Variants in GPC5 observed in about 807,000 individuals in gnomAD.
GPC5 encodes the protein glypican 5.
GPC5 carries 47 observed loss-of-function variants against 53.9 expected under a neutral mutation model. The observed-to-expected ratio is 0.87, with a 90% CI of 0.69 to 1.11. The LOEUF (loss-of-function observed/expected upper bound fraction) is 1.11. Ranked by LOEUF, GPC5 falls within the 50% of genes most tolerant of loss-of-function variation. The pLI is 0.00. For synonymous variants in GPC5, 286 were observed against 263.3 expected (o/e 1.09, Z -0.84); for missense variants, 748 against 713.1 (o/e 1.05, Z -0.56).
intron 7 of GPC5, among the ~76,000 whole-genome samples, chr13:92,817,347 T>A (rs754578394): frequency 1.3e-5 from 2 of 151,964 alleles, no homozygotes; most frequent in Non-Finnish European, 2.9e-5. Context: ...TACTAAAGCA[T>A]CAATATCCTT....
intron 7 of GPC5, among the ~76,000 whole-genome samples, chr13:92,698,857 T>G (rs574160132): frequency 3.0e-4 from 45 of 152,316 alleles, no homozygotes; most frequent in African/African-American, 1.0e-3. Flanking sequence ...TGATCGCCAT[T>G]CTAACTGGTG....
At chr13:91,743,414 A>G (rs1214871405) in intron 4 of GPC5, among the ~76,000 whole-genome samples, 2 of 152,174 alleles carry the variant, frequency 1.3e-5, no homozygotes, top group African/African-American at 4.8e-5. Context: ...TGCATTTAGA[A>G]ACAGGATGGG....
chr13:92,682,255 G>A (rs80282949), intron 7 of GPC5, among the ~76,000 whole-genome samples: 157 of 152,212 alleles, frequency 1.0e-3, no homozygotes, highest in Non-Finnish European at 1.8e-3. Context: ...TTCTGTAATA[G>A]CAATAAATTC....
At chr13:92,565,614 C>T (rs1220962769) in intron 7 of GPC5, among the ~76,000 whole-genome samples, 1 of 152,028 alleles carries the variant, frequency 6.6e-6, no homozygotes, top group Non-Finnish European at 1.5e-5. Context: ...ACTAAGACCA[C>T]AAGTTTTTTC....
At chr13:91,525,788 C>T (rs1226848939) in intron 2 of GPC5, among the ~76,000 whole-genome samples, 7 of 152,132 alleles carry the variant, frequency 4.6e-5, no homozygotes, top group East Asian at 3.9e-4. Flanking sequence ...ACAATAATGT[C>T]GCACTTAGCA....
intron 7 of GPC5, among the ~76,000 whole-genome samples, chr13:92,799,550 A>G (rs766934941): frequency 2.4e-4 from 36 of 151,846 alleles, no homozygotes; most frequent in Non-Finnish European, 3.8e-4. Context: ...TTAAAAGCAC[A>G]AGACATTGAA....
chr13:92,548,545 A>C (rs1170682985), intron 7 of GPC5, among the ~76,000 whole-genome samples: 1 of 151,274 alleles, frequency 6.6e-6, no homozygotes, highest in Non-Finnish European at 1.5e-5. Context: ...TTTCACACAC[A>C]AGAGCTTTAA....
At chr13:92,456,105 A>C (rs1878256184) in intron 7 of GPC5, among the ~76,000 whole-genome samples, 1 of 152,246 alleles carries the variant, frequency 6.6e-6, no homozygotes. Context: ...CTATGTAACT[A>C]CTGACTATAT....
intron 3 of GPC5, among the ~76,000 whole-genome samples, chr13:91,705,520 T>C (rs556354209): frequency 2.1e-4 from 32 of 152,312 alleles, no homozygotes; most frequent in Admixed American, 1.9e-3. Context: ...ACAATATGGA[T>C]AGTCTGATTT....
chr13:92,251,608 T>C (rs985848186), intron 7 of GPC5, among the ~76,000 whole-genome samples: 1 of 152,066 alleles, frequency 6.6e-6, no homozygotes, highest in Non-Finnish European at 1.5e-5. Flanking sequence ...TAAAATTAGC[T>C]TTTTCTTGAA....
chr13:91,715,038 T>A (rs1318155755), intron 3 of GPC5, among the ~76,000 whole-genome samples: 1 of 152,200 alleles, frequency 6.6e-6, no homozygotes, highest in African/African-American at 2.4e-5. Context: ...TCTAATTACA[T>A]GCAGATTAAG....
At chr13:92,578,397 A>G (rs1190161154) in intron 7 of GPC5, among the ~76,000 whole-genome samples, 1 of 152,178 alleles carries the variant, frequency 6.6e-6, no homozygotes, top group Non-Finnish European at 1.5e-5. Flanking sequence ...GATAGATTAG[A>G]TAAATTGGTA....
chr13:91,856,950 CT>C (rs1468798380), intron 5 of GPC5, among the ~76,000 whole-genome samples: 1 of 138,698 alleles, frequency 7.2e-6, no homozygotes, highest in African/African-American at 2.5e-5. Flanking sequence ...TGATATAGGG[CT>C]TAAGCTTTTT....
At chr13:92,132,978 A>G (rs558327557) in intron 6 of GPC5, among the ~76,000 whole-genome samples, 86 of 152,112 alleles carry the variant, frequency 5.7e-4, no homozygotes, top group Non-Finnish European at 1.0e-3. Flanking sequence ...TAAGACACAT[A>G]AGAAATTTTA....
chr13:92,436,832 T>G (rs1235789634), intron 7 of GPC5, among the ~76,000 whole-genome samples: 1 of 152,198 alleles, frequency 6.6e-6, no homozygotes, highest in Non-Finnish European at 1.5e-5. Flanking sequence ...TTATTCCTAG[T>G]GCCCAGCACT....
At chr13:92,581,864 G>T (rs940218064) in intron 7 of GPC5, among the ~76,000 whole-genome samples, 9 of 151,998 alleles carry the variant, frequency 5.9e-5, no homozygotes, top group Non-Finnish European at 1.2e-4. Flanking sequence ...GACTTCTTTT[G>T]AGAAACGTCT....
chr13:91,697,171 T>G (rs1348611266), intron 3 of GPC5, among the ~76,000 whole-genome samples: 1 of 152,170 alleles, frequency 6.6e-6, no homozygotes, highest in Non-Finnish European at 1.5e-5. Flanking sequence ...TGAAATGGAG[T>G]CTTGCTCTGT....
intron 5 of GPC5, among the ~76,000 whole-genome samples, chr13:91,866,457 G>A (rs2039086188): frequency 6.6e-6 from 1 of 152,066 alleles, no homozygotes; most frequent in Non-Finnish European, 1.5e-5. Context: ...TGTCCTCCTG[G>A]TAATGGGTGA....
At chr13:91,898,626 T>A (rs1043495215) in intron 5 of GPC5, among the ~76,000 whole-genome samples, 43 of 152,192 alleles carry the variant, frequency 2.8e-4, no homozygotes, top group African/African-American at 9.4e-4. Context: ...TGGGACTAGA[T>A]GACCTCTAAG....
Sources: allele counts gnomAD v4.1 joint callset (sites outside exome capture counted in the v4.1 genomes callset), GRCh38; gene constraint gnomAD v4.1.1; transcripts MANE v1.5; gene names NCBI Gene and HGNC (gene_info 2026-07-23, HGNC 2026-07-21).